Variants in ACVR2A observed in about 807,000 individuals in gnomAD.
ACVR2A encodes the protein activin A receptor type 2A, also known as activin receptor type-2A.
ACVR2A carries 7 observed loss-of-function variants against 61.4 expected under a neutral mutation model. The observed-to-expected ratio is 0.11, with a 90% CI of 0.06 to 0.21. ACVR2A has a LOEUF of 0.21. Among genes scored for constraint, ACVR2A ranks in the 10% least tolerant of loss-of-function variants. The pLI is 1.00. For missense variants in ACVR2A, 322 were observed against 621.7 expected (o/e 0.52, Z 5.13); for synonymous variants, 193 against 208.3 (o/e 0.93, Z 0.63).
intron 2 of ACVR2A, chr2:147,898,462 T>C (rs1262499469): frequency 1.3e-5 from 2 of 152,138 alleles, no homozygotes; most frequent in Non-Finnish European, 2.9e-5. Context: ...TAGCTTTCAT[T>C]TATCTTTAAA....
At chr2:147,923,444 C>G (rs928345018) in intron 9 of ACVR2A, among the ~76,000 whole-genome samples, 2 of 152,002 alleles carry the variant, frequency 1.3e-5, no homozygotes, top group Non-Finnish European at 1.5e-5. Context: ...ACTTTAGCCT[C>G]AAACTGGTGA....
At chr2:147,873,873 G>A (rs999561226) in intron 1 of ACVR2A, among the ~76,000 whole-genome samples, 4 of 151,972 alleles carry the variant, frequency 2.6e-5, no homozygotes, top group Admixed American at 1.3e-4. Flanking sequence ...TGTCTGTGTA[G>A]CCTGGAGGAG....
At chr2:147,874,974 C>T (rs1253082607) in intron 1 of ACVR2A, among the ~76,000 whole-genome samples, 1 of 151,934 alleles carries the variant, frequency 6.6e-6, no homozygotes, top group Non-Finnish European at 1.5e-5. Context: ...TTTTTGATGA[C>T]AAATTTCCTG....
rs1687564969 is a variant in ACVR2A, at chr2:147,928,583, A to AAAT, written c.*1311_*1313dup. ...GATAACAAATTAAACGTATAACTTA[A>AAAT]AATATGCAATGACATTTAGAGGTAA... is the stretch of plus-strand genomic sequence containing the variant. On this transcript the variant is annotated 3_prime_UTR_variant, in exon 11 of 11. Coordinates refer to ENST00000241416, the MANE Select transcript of ACVR2A (RefSeq NM_001616.5). 1 of 152,344 alleles carries AAAT rather than the reference A, an allele frequency of 6.6e-6. No individual in the cohort carries two copies. Among genetic ancestry groups the AAAT allele is most frequent in the African/African-American group, 2.4e-5 (1 of 41,408 alleles). 9.4% of individuals were successfully genotyped at this position (152,344 alleles called of 1,614,324 possible).
At chr2:147,849,460 A>G (rs1275589663) in intron 1 of ACVR2A, among the ~76,000 whole-genome samples, 1 of 152,112 alleles carries the variant, frequency 6.6e-6, no homozygotes, top group Non-Finnish European at 1.5e-5. Context: ...CTTTTAACCT[A>G]ATCTCTTAAT....
intron 7 of ACVR2A, 90 bp from the exon 8 acceptor site, chr2:147,920,140 G>A (rs1317763104): frequency 6.3e-6 from 5 of 790,720 alleles, no homozygotes; most frequent in African/African-American, 5.2e-5. Flanking sequence ...TTTTTTCATA[G>A]TGTACATATT....
At chr2:147,898,643 C>T (rs917603213) in intron 2 of ACVR2A, among the ~76,000 whole-genome samples, 2 of 152,004 alleles carry the variant, frequency 1.3e-5, no homozygotes, top group Admixed American at 6.6e-5. Context: ...CTTTTAAGTT[C>T]ATCTGATGTT....
At chr2:147,877,222 T>G (rs533932422) in intron 1 of ACVR2A, among the ~76,000 whole-genome samples, 2 of 152,304 alleles carry the variant, frequency 1.3e-5, no homozygotes, top group African/African-American at 4.8e-5. Context: ...TTTTTTTGTC[T>G]TATGTTTAAA....
chr2:147,868,119 C>T (rs893638295), intron 1 of ACVR2A, among the ~76,000 whole-genome samples: 3 of 152,164 alleles, frequency 2.0e-5, no homozygotes, highest in Non-Finnish European at 4.4e-5. Context: ...CCGTGAGTGG[C>T]TCAATGCTGG....
In ACVR2A at chr2:147,927,477, A is replaced by G; in HGVS notation, c.*203A>G. On this transcript the variant is annotated 3_prime_UTR_variant, in exon 11 of 11. Coordinates refer to ENST00000241416, the MANE Select transcript of ACVR2A (RefSeq NM_001616.5). ...GCACAGATGTGAAGGACATGAGACT[A>G]AGAGAAACCTTGCAAACTCTATAAA... 2.1e-6 allele frequency: 1 copy of G among 477,226 alleles called. No individual in the cohort carries two copies. The allele number at this position is 477,226 out of a possible 1,614,324, so 29.6% of individuals were successfully genotyped here. A position where few individuals can be genotyped will look rare whatever the true frequency, so the allele number is the denominator to read the frequency against.
intron 1 of ACVR2A, 46 bp from the exon 2 acceptor site, chr2:147,896,255 T>C: frequency 6.6e-7 from 1 of 1,522,466 alleles, no homozygotes; most frequent in Non-Finnish European, 9.0e-7. Flanking sequence ...CAGTCTTTTA[T>C]TTTAACAGAT....
intron 1 of ACVR2A, among the ~76,000 whole-genome samples, chr2:147,888,697 T>TA (rs1312508072): frequency 2.6e-5 from 4 of 151,382 alleles, no homozygotes; most frequent in African/African-American, 9.7e-5. Context: ...TTTTTTTTTT[T>TA]AAAGATTCCT....
chr2:147,917,141 AT>A, intron 5 of ACVR2A, 141 bp from the exon 6 acceptor site: 3 of 769,306 alleles, frequency 3.9e-6, no homozygotes, highest in Non-Finnish European at 5.8e-6. Flanking sequence ...GCTTTTTCTT[AT>A]TACAAAACAG....
At chr2:147,887,668 G>A (rs186891744) in intron 1 of ACVR2A, among the ~76,000 whole-genome samples, 141 of 152,122 alleles carry the variant, frequency 9.3e-4, no homozygotes, top group African/African-American at 3.3e-3. Flanking sequence ...TATATGTTGT[G>A]GGATGGCTAA....
intron 4 of ACVR2A, among the ~76,000 whole-genome samples, chr2:147,905,833 T>C (rs1177380088): frequency 6.6e-5 from 10 of 152,144 alleles, no homozygotes; most frequent in African/African-American, 2.4e-4. Flanking sequence ...TAAAATTCTG[T>C]GTCCAAAAGC....
chr2:147,924,989 G>A (rs1687468854), intron 9 of ACVR2A, among the ~76,000 whole-genome samples: 1 of 151,974 alleles, frequency 6.6e-6, no homozygotes, highest in Non-Finnish European at 1.5e-5. Flanking sequence ...AGAGGGTTAA[G>A]TTAGATGACC....
At position 147,930,112 on chromosome 2, in the gene ACVR2A, G is replaced by A. The variant is rs993273100; in HGVS notation, c.*2838G>A. 6.6e-6 allele frequency: 1 copy of A among 152,516 alleles called. No individual in the cohort carries two copies. Among genetic ancestry groups the A allele is most frequent in the East Asian group, 1.9e-4 (1 of 5,176 alleles). 9.4% of individuals were successfully genotyped at this position (152,516 alleles called of 1,614,324 possible). On this transcript the variant is annotated 3_prime_UTR_variant, in exon 11 of 11. Transcript: ENST00000241416. ...GAAAAAGAGACTGTGCTTCACGATT[G>A]TTAGTCCCATGAACTTGCACTATCT...
rs1422076109 is a variant in ACVR2A, at chr2:147,927,890, T to G, written c.*616T>G. The G allele has an allele frequency of 6.6e-6, 1 of 152,348 alleles. No individual in the cohort carries two copies. 9.4% of individuals were successfully genotyped at this position (152,348 alleles called of 1,614,324 possible). A position where few individuals can be genotyped will look rare whatever the true frequency, so the allele number is the denominator to read the frequency against. On this transcript the variant is annotated 3_prime_UTR_variant, in exon 11 of 11. Transcript: ENST00000241416. ...CCTCAGTTCCACGGTTGCTAAATTA[T>G]AAAATTGAAAACACTAACAAAATTT... is the stretch of plus-strand genomic sequence containing the variant.
intron 1 of ACVR2A, among the ~76,000 whole-genome samples, chr2:147,858,543 C>CT (rs1232361083): frequency 6.6e-6 from 1 of 152,096 alleles, no homozygotes; most frequent in African/African-American, 2.4e-5. Context: ...TTCCTCTGAG[C>CT]TTTTTTTCAC....
Sources: gnomAD v4.1 joint callset for allele counts (sites outside exome capture counted in the v4.1 genomes callset) on GRCh38, gnomAD v4.1.1 for gene constraint, MANE v1.5 for transcripts, NCBI Gene and HGNC (gene_info 2026-07-23, HGNC 2026-07-21) for gene names.